The following PRKCA variants were observed in gnomAD, a reference collection of about 807,000 sequenced individuals.
PRKCA encodes the protein protein kinase C alpha.
Under a neutral mutation model 87.0 loss-of-function variants are expected in PRKCA, and 27 were observed. That is an observed-to-expected ratio of 0.31 (90% CI 0.23 to 0.43). The LOEUF (loss-of-function observed/expected upper bound fraction) is 0.43, where lower values mean the gene tolerates loss of function less well. PRKCA is among the 20% of genes least tolerant of loss of function. PRKCA has a pLI of 1.00. For missense variants in PRKCA, 518 were observed against 852.3 expected (o/e 0.61, Z 4.88); for synonymous variants, 329 against 311.1 (o/e 1.06, Z -0.61).
chr17:66,622,327 TTAACAA>T (rs1178198352), intron 3 of PRKCA, among the ~76,000 whole-genome samples: 5 of 152,298 alleles, frequency 3.3e-5, no homozygotes, highest in Non-Finnish European at 5.9e-5. Context: ...AGAAATGAGA[TTAACAA>T]TAACAGAGGA....
intron 8 of PRKCA, among the ~76,000 whole-genome samples, chr17:66,730,731 G>T (rs1973865175): frequency 6.6e-6 from 1 of 152,188 alleles, no homozygotes. Context: ...TGTATTAGGG[G>T]TTCTTTGTGA....
chr17:66,791,281 G>A (rs1292404384), intron 16 of PRKCA, among the ~76,000 whole-genome samples: 1 of 152,086 alleles, frequency 6.6e-6, no homozygotes, highest in African/African-American at 2.4e-5. Context: ...CCTAAAACTG[G>A]AGGTTTCATG....
intron 3 of PRKCA, among the ~76,000 whole-genome samples, chr17:66,514,250 A>G (rs532852084): frequency 6.6e-6 from 1 of 152,296 alleles, no homozygotes; most frequent in African/African-American, 2.4e-5. Flanking sequence ...TGTAGGCCCT[A>G]CAGATAAAAG....
chr17:66,352,263 T>A (rs949137643), intron 2 of PRKCA, among the ~76,000 whole-genome samples: 1 of 152,182 alleles, frequency 6.6e-6, no homozygotes, highest in Admixed American at 6.5e-5. Flanking sequence ...CCTTTATTTC[T>A]AATTATTTTC....
intron 3 of PRKCA, among the ~76,000 whole-genome samples, chr17:66,551,859 C>T (rs1968345705): frequency 6.6e-6 from 1 of 152,078 alleles, no homozygotes; most frequent in African/African-American, 2.4e-5. Context: ...TTACAAAATG[C>T]ATAGATCTGA....
chr17:66,423,009 G>A (rs1912576526), intron 2 of PRKCA, among the ~76,000 whole-genome samples: 1 of 152,160 alleles, frequency 6.6e-6, no homozygotes, highest in South Asian at 2.1e-4. Flanking sequence ...TACTCGGGAG[G>A]CTGAGGCAGG....
chr17:66,668,932 C>G (rs566510072), intron 5 of PRKCA, among the ~76,000 whole-genome samples: 221 of 151,858 alleles, frequency 1.5e-3, no homozygotes, highest in African/African-American at 5.1e-3. Context: ...GCAAGTTCTG[C>G]CTCTACAAAA....
intron 3 of PRKCA, among the ~76,000 whole-genome samples, chr17:66,498,372 C>T (rs1916576827): frequency 6.6e-6 from 1 of 152,142 alleles, no homozygotes; most frequent in Admixed American, 6.6e-5. Flanking sequence ...TTTCTTTCCT[C>T]TCTTCTCTTC....
rs560439946 is a variant in PRKCA at position 66,488,320 on chromosome 17, AT to A, written c.206-7876del. On this transcript the variant is annotated intron_variant, in intron 2 of 16. Coordinates refer to ENST00000413366, the MANE Select transcript of PRKCA (RefSeq NM_002737.3). ...ATGGTATGTAAATGAAGAAAATGAC[AT>A]TTTTAAAGGGTATTTAATGGTTCGT... Among the ~76,000 whole-genome samples the A allele has an allele frequency of 1.5e-3, 226 of 152,304 alleles. 2 individuals are homozygous for A. Among genetic ancestry groups the A allele is most frequent in the African/African-American group, 5.2e-3 (216 of 41,558 alleles).
rs984054427 is a variant in PRKCA at position 66,689,456 on chromosome 17, C to T, written c.918+409C>T. ...TGTGTAATCAGGCTATCATCTGAGACTTTTTTTTTCTACAGAAAGTACAAG... is the reference window on the plus strand; with the variant it reads ...TGTGTAATCAGGCTATCATCTGAGATTTTTTTTTTCTACAGAAAGTACAAG... On this transcript the variant is annotated intron_variant, in intron 8 of 16. Transcript: ENST00000413366. The surrounding 1 kb of genome is among the most constrained non-coding windows in gnomAD (Gnocchi z 4.1). 2.6e-5 allele frequency among the ~76,000 whole-genome samples: 4 copies of T among 151,618 alleles called. No individual in the cohort carries two copies. Among genetic ancestry groups the T allele is most frequent in the South Asian group, 2.1e-4 (1 of 4,786 alleles).
intron 3 of PRKCA, among the ~76,000 whole-genome samples, chr17:66,621,915 G>A (rs1970693056): frequency 6.6e-6 from 1 of 152,202 alleles, no homozygotes; most frequent in South Asian, 2.1e-4. Flanking sequence ...TTAAAAATAA[G>A]TTGAGGCTGG....
At chr17:66,778,370 G>C (rs1203294207) in intron 14 of PRKCA, 3 of 367,260 alleles carry the variant, frequency 8.2e-6, no homozygotes, top group Non-Finnish European at 1.1e-5. Context: ...AAAAAAATTA[G>C]CCGAGTGTGG....
intron 2 of PRKCA, among the ~76,000 whole-genome samples, chr17:66,457,870 C>T (rs773411425): frequency 1.3e-5 from 2 of 152,120 alleles, no homozygotes; most frequent in Non-Finnish European, 2.9e-5. Flanking sequence ...AGCATGAGAA[C>T]GGACTACTAC....
intron 3 of PRKCA, among the ~76,000 whole-genome samples, chr17:66,576,402 G>T (rs1272323010): frequency 1.3e-5 from 2 of 152,212 alleles, no homozygotes; most frequent in East Asian, 3.8e-4. Flanking sequence ...CATGAGATGG[G>T]CTTAAGCCCA....
chr17:66,790,930 G>A (rs546184484), intron 16 of PRKCA, among the ~76,000 whole-genome samples: 1 of 151,792 alleles, frequency 6.6e-6, no homozygotes, highest in East Asian at 1.9e-4. Flanking sequence ...ACCCATGGCA[G>A]GCAGCTGAGT....
intron 2 of PRKCA, among the ~76,000 whole-genome samples, chr17:66,474,155 A>G (rs1470168690): frequency 6.6e-6 from 1 of 152,202 alleles, no homozygotes; most frequent in Non-Finnish European, 1.5e-5. Flanking sequence ...GGGACCTATC[A>G]AGTTCAAGTG....
At chr17:66,710,560 G>A (rs1426914964) in intron 8 of PRKCA, among the ~76,000 whole-genome samples, 1 of 152,026 alleles carries the variant, frequency 6.6e-6, no homozygotes, top group Non-Finnish European at 1.5e-5. Flanking sequence ...CTGCAGCCAT[G>A]CTCTCCACCC....
At chr17:66,436,494 A>G (rs2030091432) in intron 2 of PRKCA, among the ~76,000 whole-genome samples, 1 of 152,230 alleles carries the variant, frequency 6.6e-6, no homozygotes, top group Admixed American at 6.5e-5. Context: ...GCGTGTGGTA[A>G]GTACCCACTG....
chr17:66,502,214 A>G (rs1916764223), intron 3 of PRKCA, among the ~76,000 whole-genome samples: 1 of 152,008 alleles, frequency 6.6e-6, no homozygotes, highest in South Asian at 2.1e-4. Context: ...GTGTATGTTT[A>G]TTAGCACATT....
Sources: allele counts gnomAD v4.1 joint callset (sites outside exome capture counted in the v4.1 genomes callset), GRCh38; gene constraint gnomAD v4.1.1; non-coding constraint Gnocchi (gnomAD v3.1); transcripts MANE v1.5; gene names NCBI Gene and HGNC (gene_info 2026-07-23, HGNC 2026-07-21).